DPF2: variants seen among roughly 807,000 people sequenced by gnomAD.
The protein encoded by DPF2 is zinc finger protein ubi-d4.
In DPF2, 10 loss-of-function variants were observed where a neutral mutation model predicts 59.6. The ratio of observed to expected loss-of-function variants is 0.17; its 90% CI spans 0.10 to 0.28. DPF2 has a LOEUF of 0.28. Ranked by LOEUF, DPF2 falls within the 10% of genes least tolerant of loss-of-function variation. DPF2 has a pLI of 1.00. For missense variants in DPF2, 315 were observed against 509.4 expected, an observed-to-expected ratio of 0.62 and a Z score of 3.67; for synonymous variants, 189 against 190.6, an observed-to-expected ratio of 0.99 and a Z score of 0.07.
rs923589521 is a variant in DPF2 at position 65,352,951 on chromosome 11, CA to C, written c.*1193del. ...CTTTCTTTAGTTCCTGTATTCTAAA[CA>C]TTAGTAAAAATAAATGTTTTTACAC... On this transcript the variant is annotated 3_prime_UTR_variant, in exon 11 of 11. Transcript: ENST00000528416. 10 of 151,962 alleles carry C rather than the reference CA, an allele frequency of 6.6e-5. No homozygotes were observed. The highest frequency in any genetic ancestry group is 2.0e-4 in the Admixed American group (3 of 15,254). The allele number at this position is 151,962 out of a possible 1,614,324, so 9.4% of individuals were successfully genotyped here. A position where few individuals can be genotyped will look rare whatever the true frequency, so the allele number is the denominator to read the frequency against.
rs1286992076 is a variant in DPF2, at chr11:65,343,659, G to C, written c.466-86G>C. 18 of 1,334,436 alleles carry C rather than the reference G, an allele frequency of 1.3e-5. No individual in the cohort carries two copies. The East Asian group carries it at 4.5e-4, about 33-fold the overall frequency. 82.7% of individuals were successfully genotyped at this position (1,334,436 alleles called of 1,614,324 possible). On this transcript the variant is annotated intron_variant, in intron 4 of 10. Coordinates refer to ENST00000528416, the MANE Select transcript of DPF2 (RefSeq NM_006268.5). ...TGGGTGGGACCACGTCACAGAGGAG[G>C]TTCTGGGTGGCCTTGGCCAGTCTCA...
In DPF2 at chr11:65,340,466, C is replaced by T. The variant is rs1306545931; in HGVS notation, c.114C>T (p.Arg38=). ...GCCTCTGTGCTGAGCGCAGCGTGCG[C>T]CTGCCTTTCTTGGACTCACAGACCG... ...NARLCAERSV[R]LPFLDSQTGV... The change falls in exon 2 of 11, where the codon CGC becomes CGT. Residue 38 remains arginine, a synonymous_variant. Coordinates refer to ENST00000528416, the MANE Select transcript of DPF2 (RefSeq NM_006268.5). The T allele has an allele frequency of 6.2e-7, 1 of 1,614,278 alleles. No individual in the cohort carries two copies. Among genetic ancestry groups the T allele is most frequent in the South Asian group, 1.1e-5 (1 of 91,088 alleles).
chr11:65,337,826 CAG>C (rs1345555166), intron 1 of DPF2, among the ~76,000 whole-genome samples: 2 of 151,774 alleles, frequency 1.3e-5, no homozygotes, highest in South Asian at 2.1e-4. Flanking sequence ...TTTTTTGAGA[CAG>C]AGTTTCGCTC....
In DPF2 at chr11:65,343,832, T is replaced by A; in HGVS notation, c.553T>A (p.Ser185Thr). The change falls in exon 5 of 11, where the codon TCC (serine) becomes ACC (threonine). Residue 185 changes from serine to threonine, a missense_variant. Ser to Thr is a moderately conservative substitution (Grantham distance 58). This residue lies in a region of DPF2 where 228 missense variants were observed against 275.3 expected (regional missense o/e 0.83). Transcript: ENST00000528416. ...DTPKRRGKGK[S>T]KGKGVGSARK... The stretch of plus-strand genomic sequence containing the variant: ...TCCCAAGCGTCGGGGAAAGGGGAAA[T>A]CCAAGGTGAGGGGCCAGCGTGCTGC... The A allele has an allele frequency of 3.2e-6, 5 of 1,584,424 alleles. No individual in the cohort carries two copies. The highest frequency in any genetic ancestry group is 4.3e-6 in the Non-Finnish European group (5 of 1,164,480).
chr11:65,340,642 C>A, intron 2 of DPF2, 97 bp downstream of exon 2: 1 of 1,497,042 alleles, frequency 6.7e-7, no homozygotes, highest in Non-Finnish European at 9.0e-7. Context: ...GTTTTCCCTA[C>A]TGCCTTCCAC....
At chr11:65,335,783 A>G (rs1950087099) in intron 1 of DPF2, among the ~76,000 whole-genome samples, 1 of 152,080 alleles carries the variant, frequency 6.6e-6, no homozygotes, top group Non-Finnish European at 1.5e-5. Context: ...CATTGAGTAC[A>G]TTGAGGTCAG....
At chr11:65,344,310 G>A (rs1302774457) in intron 6 of DPF2, 1 of 615,032 alleles carries the variant, frequency 1.6e-6, no homozygotes, top group African/African-American at 1.8e-5. Flanking sequence ...TTGCTTGTGG[G>A]GGCCACAGCA....
chr11:65,342,739 A>G (rs972825756), intron 4 of DPF2, among the ~76,000 whole-genome samples: 2 of 152,054 alleles, frequency 1.3e-5, no homozygotes, highest in Non-Finnish European at 2.9e-5. Flanking sequence ...TGGGTCGGGC[A>G]CGGTAGCTCA....
intron 1 of DPF2, among the ~76,000 whole-genome samples, chr11:65,335,851 C>T (rs558901043): frequency 5.3e-5 from 8 of 152,084 alleles, no homozygotes; most frequent in East Asian, 1.9e-4. Flanking sequence ...TCACTGTTGT[C>T]GGCCCGGGCT....
At chr11:65,339,172 C>A (rs1187955391) in intron 1 of DPF2, among the ~76,000 whole-genome samples, 1 of 151,522 alleles carries the variant, frequency 6.6e-6, no homozygotes, top group African/African-American at 2.4e-5. Flanking sequence ...ACTTGGGAGG[C>A]TAAGGCAGGA....
chr11:65,333,888 TGGC>T lies in DPF2; in HGVS notation c.6_8del (p.Ala3?). The T allele has an allele frequency of 1.9e-6, 3 of 1,613,928 alleles. No homozygotes were observed. The highest frequency in any genetic ancestry group is 2.5e-6 in the Non-Finnish European group (3 of 1,179,948). The stretch of plus-strand genomic sequence containing the variant: ...GCCCGAGGCAGAGGAACAGGGAAGA[TGGC>T]GGCTGTGGTGGAGAATGTAGTGAAG... On this transcript the variant is annotated start_lost and inframe_deletion, in exon 1 of 11. Transcript: ENST00000528416.
chr11:65,343,920 C>G, intron 5 of DPF2, 71 bp from the exon 6 acceptor site: 1 of 1,607,598 alleles, frequency 6.2e-7, no homozygotes, highest in Non-Finnish European at 8.5e-7. Context: ...GATTAGCGGC[C>G]ACTTCCAAAA....
intron 1 of DPF2, among the ~76,000 whole-genome samples, chr11:65,336,020 G>A (rs1950090926): frequency 6.6e-6 from 1 of 151,352 alleles, no homozygotes; most frequent in Non-Finnish European, 1.5e-5. Context: ...CACCATGTTG[G>A]CCAGGCTGGT....
chr11:65,336,350 G>A (rs188235212), intron 1 of DPF2, among the ~76,000 whole-genome samples: 2 of 151,898 alleles, frequency 1.3e-5, no homozygotes, highest in Non-Finnish European at 2.9e-5. Flanking sequence ...AAATTAGTTA[G>A]GTGTGGTGGC....
rs990754109 is a variant in DPF2 at position 65,349,804 on chromosome 11, A to G, written c.1099+873A>G. Among the ~76,000 whole-genome samples the G allele has an allele frequency of 5.3e-5, 8 of 152,234 alleles. No individual in the cohort carries two copies. In the South Asian group the frequency reaches 8.3e-4, roughly 16 times the overall value. On this transcript the variant is annotated intron_variant, in intron 10 of 10. Coordinates refer to ENST00000528416, the MANE Select transcript of DPF2 (RefSeq NM_006268.5). ...GAGCGAGACTCCATCTCAAAGAAAA[A>G]AAAAAAAAAGCCAACAGAAATTCAG...
intron 6 of DPF2, 164 bp from the exon 7 acceptor site, chr11:65,345,502 G>C: frequency 1.0e-6 from 1 of 958,888 alleles, no homozygotes; most frequent in Non-Finnish European, 1.5e-6. Flanking sequence ...TGATGCTCCT[G>C]GCTGAGGGGA....
rs755350150 is a variant in DPF2 at position 65,341,550 on chromosome 11, T to A, written c.453T>A (p.Ser151Arg). ...DSLGEFPVTNSRARKRILEPD... is the reference protein window; with the variant it reads ...DSLGEFPVTNRRARKRILEPD... ...TGGGCGAGTTTCCTGTGACCAACAG[T>A]CGAGCGCGAAAGGTACAGGATTATC... Residue 151 changes from serine (S) to arginine (R), a missense_variant, in exon 4 of 11, where the codon AGT (serine) becomes AGA (arginine). Around this residue, in one of 4 missense-constraint regions of DPF2, gnomAD observed 228 missense variants for 275.3 expected, o/e 0.83. Coordinates refer to ENST00000528416, the MANE Select transcript of DPF2 (RefSeq NM_006268.5). 1.2e-6 allele frequency: 2 copies of A among 1,613,974 alleles called. No homozygotes were observed. The highest frequency in any genetic ancestry group is 2.2e-5 in the South Asian group (2 of 91,072).
At chr11:65,337,984 A>G (rs1854256917) in intron 1 of DPF2, among the ~76,000 whole-genome samples, 1 of 152,048 alleles carries the variant, frequency 6.6e-6, no homozygotes, top group Non-Finnish European at 1.5e-5. Flanking sequence ...TTGTATTTTT[A>G]GTAGAGACAG....
chr11:65,346,474 G>A, intron 9 of DPF2, 115 bp downstream of exon 9: 1 of 838,288 alleles, frequency 1.2e-6, no homozygotes, highest in Non-Finnish European at 1.9e-6. Context: ...CCTCCCACAT[G>A]CCACACGCCC....
Sources: allele counts gnomAD v4.1 joint callset (sites outside exome capture counted in the v4.1 genomes callset), GRCh38; gene constraint gnomAD v4.1.1; regional missense constraint gnomAD v4.1.1; transcripts MANE v1.5; gene names NCBI Gene and HGNC (gene_info 2026-07-23, HGNC 2026-07-21).